Variants in DLGAP2 observed in about 807,000 individuals in gnomAD.
DLGAP2 encodes disks large-associated protein 2.
DLGAP2 carries 26 observed loss-of-function variants against 100.3 expected under a neutral mutation model. The observed-to-expected ratio is 0.26, with a 90% CI of 0.19 to 0.36. DLGAP2 has a LOEUF of 0.36. DLGAP2 is among the 10% of genes least tolerant of loss of function. DLGAP2 has a pLI of 1.00. For missense variants in DLGAP2, 1,858 were observed against 1,453.2 expected (o/e 1.28, Z -4.53); for synonymous variants, 886 against 630.1 (o/e 1.41, Z -6.08).
intron 8 of DLGAP2, among the ~76,000 whole-genome samples, chr8:1,646,060 C>T (rs932095606): frequency 6.6e-6 from 1 of 152,112 alleles, no homozygotes; most frequent in Non-Finnish European, 1.5e-5. Context: ...CCATGGAGTG[C>T]CCAGATATCT....
In DLGAP2 at chr8:1,684,319, T is replaced by G. The variant is rs533730881; in HGVS notation, c.2704+5690T>G. On this transcript the variant is annotated intron_variant, in intron 12 of 14. Coordinates refer to ENST00000637795, the MANE Select transcript of DLGAP2 (RefSeq NM_001346810.2). ...TTGTTATGCCCCTCATCTGTGTGTT[T>G]TGTCCATAAAACTAGCACAATATTC... Among the ~76,000 whole-genome samples, 6 of 152,172 alleles carry G rather than the reference T, an allele frequency of 3.9e-5. No individual in the cohort carries two copies. In the East Asian group the frequency reaches 9.7e-4, roughly 25 times the overall value.
At position 1,207,138 on chromosome 8, in the gene DLGAP2, A is replaced by G. The variant is rs554231546; in HGVS notation, c.74-51713A>G. Among the ~76,000 whole-genome samples, 326 of 152,316 alleles carry G rather than the reference A, an allele frequency of 2.1e-3. 2 individuals carry two copies. In the Middle Eastern group the frequency reaches 0.037, roughly 17 times the overall value. ...TTTGGGGAACAGGTGGTGTTTGGTT[A>G]TATGGATAAGTGACTGAGTGGTGAT... On this transcript the variant is annotated intron_variant, in intron 2 of 14. Coordinates refer to ENST00000637795, the MANE Select transcript of DLGAP2 (RefSeq NM_001346810.2).
At chr8:1,431,872 C>T (rs923277337) in intron 3 of DLGAP2, among the ~76,000 whole-genome samples, 4 of 152,192 alleles carry the variant, frequency 2.6e-5, no homozygotes, top group African/African-American at 9.7e-5. Flanking sequence ...CGGCACCCAG[C>T]ACCCCATGCC....
intron 1 of DLGAP2, among the ~76,000 whole-genome samples, chr8:844,069 A>C (rs533320460): frequency 7.2e-5 from 11 of 152,300 alleles, no homozygotes; most frequent in Admixed American, 6.5e-4. Context: ...GGAGTGCTCT[A>C]CTAATTTTTT....
At chr8:1,651,224 C>T (rs1486723007) in intron 8 of DLGAP2, among the ~76,000 whole-genome samples, 6 of 152,344 alleles carry the variant, frequency 3.9e-5, no homozygotes, top group African/African-American at 7.2e-5. Context: ...GAAGCAAGAG[C>T]CACACACATA....
At chr8:1,073,200 C>G (rs1251383313) in intron 2 of DLGAP2, among the ~76,000 whole-genome samples, 1 of 152,162 alleles carries the variant, frequency 6.6e-6, no homozygotes, top group Non-Finnish European at 1.5e-5. Context: ...ACCAGCAAAA[C>G]ATTTGAGATC....
At chr8:1,426,001 C>T (rs528045690) in intron 3 of DLGAP2, among the ~76,000 whole-genome samples, 1 of 152,214 alleles carries the variant, frequency 6.6e-6, no homozygotes, top group Non-Finnish European at 1.5e-5. Context: ...GCTACACCTG[C>T]AAGGTGAATG....
At position 1,542,240 on chromosome 8, in the gene DLGAP2, G is replaced by A. The variant is rs80316723; in HGVS notation, c.173-6386G>A. Among the ~76,000 whole-genome samples, 38 of 152,100 alleles carry A rather than the reference G, an allele frequency of 2.5e-4. No individual in the cohort carries two copies. In the East Asian group the frequency reaches 7.0e-3, roughly 28 times the overall value. On this transcript the variant is annotated intron_variant, in intron 4 of 14. Coordinates refer to ENST00000637795, the MANE Select transcript of DLGAP2 (RefSeq NM_001346810.2). The stretch of plus-strand genomic sequence containing the variant: ...TCACATGCGTGTATTTATTTTATTC[G>A]AGCTTTATGGGGATATAAGTCACAC...
At chr8:1,087,220 G>C (rs1444719115) in intron 2 of DLGAP2, among the ~76,000 whole-genome samples, 2 of 152,240 alleles carry the variant, frequency 1.3e-5, no homozygotes, top group African/African-American at 2.4e-5. Context: ...ATGAGATGCA[G>C]CAAAAGCAAT....
chr8:1,609,944 C>T (rs894003056), intron 6 of DLGAP2, among the ~76,000 whole-genome samples: 1 of 150,916 alleles, frequency 6.6e-6, no homozygotes, highest in Non-Finnish European at 1.5e-5. Context: ...TAATGGGAGA[C>T]TTTAACACCC....
chr8:1,452,009 G>T (rs192963812), intron 3 of DLGAP2, among the ~76,000 whole-genome samples: 1 of 152,216 alleles, frequency 6.6e-6, no homozygotes, highest in Non-Finnish European at 1.5e-5. Flanking sequence ...CCGGAACTGC[G>T]GTTTCTGCCG....
At chr8:1,699,100 A>G (rs2130889797) in intron 14 of DLGAP2, among the ~76,000 whole-genome samples, 1 of 152,364 alleles carries the variant, frequency 6.6e-6, no homozygotes, top group African/African-American at 2.4e-5. Flanking sequence ...TTCAAACGGA[A>G]CGTACTGAAG....
chr8:1,516,574 C>T (rs1052441530), intron 4 of DLGAP2, among the ~76,000 whole-genome samples: 34 of 111,276 alleles, frequency 3.1e-4, no homozygotes, highest in African/African-American at 1.1e-3. Flanking sequence ...GGAGGGAGGG[C>T]GTGAATGAGT....
At position 1,280,149 on chromosome 8, in the gene DLGAP2, C is replaced by G. The variant is rs76462301; in HGVS notation, c.106+21266C>G. Among the ~76,000 whole-genome samples the G allele has an allele frequency of 4.7e-3, 717 of 152,262 alleles. 8 individuals carry two copies. The highest frequency in any genetic ancestry group is 0.017 in the African/African-American group (692 of 41,550). ...TGTGGCTTCAGGGGTCGCATAATTCCTTTCATTCATTCCTGATGGTTTTTC... is the reference window on the plus strand; with the variant it reads ...TGTGGCTTCAGGGGTCGCATAATTCGTTTCATTCATTCCTGATGGTTTTTC... On this transcript the variant is annotated intron_variant, in intron 3 of 14. Coordinates refer to ENST00000637795, the MANE Select transcript of DLGAP2 (RefSeq NM_001346810.2).
intron 3 of DLGAP2, chr8:1,262,397 A>G (rs999176019): frequency 1.3e-5 from 2 of 152,166 alleles, no homozygotes; most frequent in African/African-American, 4.8e-5. Context: ...ATTTACTGGT[A>G]CCTTTGTTCC....
chr8:1,281,929 G>A (rs1375357118), intron 3 of DLGAP2, among the ~76,000 whole-genome samples: 2 of 152,234 alleles, frequency 1.3e-5, no homozygotes, highest in African/African-American at 4.8e-5. Flanking sequence ...AGTTATTGCC[G>A]ATGAATGAGC....
intron 1 of DLGAP2, among the ~76,000 whole-genome samples, chr8:747,187 T>C (rs1474545718): frequency 6.6e-6 from 1 of 152,150 alleles, no homozygotes; most frequent in Non-Finnish European, 1.5e-5. Flanking sequence ...GCCCCGCCTC[T>C]GACTGCTCTT....
chr8:1,676,943 C>A (rs1798825561), intron 11 of DLGAP2, among the ~76,000 whole-genome samples: 1 of 152,162 alleles, frequency 6.6e-6, no homozygotes, highest in African/African-American at 2.4e-5. Context: ...GGCCTTACGC[C>A]TTGTCATGTT....
chr8:1,564,294 G>A (rs913354255), intron 5 of DLGAP2, among the ~76,000 whole-genome samples: 1 of 152,180 alleles, frequency 6.6e-6, no homozygotes, highest in Non-Finnish European at 1.5e-5. Context: ...CCAGTTCCAT[G>A]ACTTTTTGCT....
Sources: allele counts gnomAD v4.1 joint callset (sites outside exome capture counted in the v4.1 genomes callset), GRCh38; gene constraint gnomAD v4.1.1; transcripts MANE v1.5; gene names NCBI Gene and HGNC (gene_info 2026-07-23, HGNC 2026-07-21).